SLC1A2: variants seen among roughly 807,000 people sequenced by gnomAD.
The protein encoded by SLC1A2 is excitatory amino acid transporter 2.
Under a neutral mutation model 48.8 loss-of-function variants are expected in SLC1A2, and 15 were observed. The observed-to-expected ratio is 0.31, with a 90% confidence interval of 0.21 to 0.47. The LOEUF is 0.47. SLC1A2 is among the 20% of genes least tolerant of loss of function. SLC1A2 has a pLI of 0.99. For missense variants in SLC1A2, 502 were observed against 730.5 expected (o/e 0.69, Z 3.61); for synonymous variants, 279 against 272.6 (o/e 1.02, Z -0.23).
chr11:35,345,961 G>A (rs1196484445), intron 1 of SLC1A2, among the ~76,000 whole-genome samples: 1 of 152,090 alleles, frequency 6.6e-6, no homozygotes, highest in Non-Finnish European at 1.5e-5. Flanking sequence ...CATTTTGCAG[G>A]TGAGAACACC....
At chr11:35,293,829 A>G (rs1283020913) in intron 6 of SLC1A2, among the ~76,000 whole-genome samples, 1 of 152,194 alleles carries the variant, frequency 6.6e-6, no homozygotes, top group African/African-American at 2.4e-5. Flanking sequence ...ACACATATAT[A>G]TGAATACTAC....
chr11:35,279,188 C>A (rs1273095217), intron 9 of SLC1A2, among the ~76,000 whole-genome samples: 3 of 152,184 alleles, frequency 2.0e-5, no homozygotes, highest in African/African-American at 7.2e-5. Flanking sequence ...ACTGGCATTG[C>A]CGGAGGCCCT....
chr11:35,398,336 A>G (rs1855035347), intron 1 of SLC1A2, among the ~76,000 whole-genome samples: 1 of 152,224 alleles, frequency 6.6e-6, no homozygotes, highest in Admixed American at 6.5e-5. Flanking sequence ...AGCCATAAAA[A>G]GGAATGAAAT....
intron 1 of SLC1A2, among the ~76,000 whole-genome samples, chr11:35,320,511 G>C (rs1053597994): frequency 6.6e-6 from 1 of 152,242 alleles, no homozygotes; most frequent in South Asian, 2.1e-4. Flanking sequence ...CGAGACCTGA[G>C]TCAGCTCTTG....
intron 1 of SLC1A2, among the ~76,000 whole-genome samples, chr11:35,332,974 A>C (rs1207485503): frequency 6.6e-6 from 1 of 152,190 alleles, no homozygotes; most frequent in Non-Finnish European, 1.5e-5. Flanking sequence ...CCACTGAGCT[A>C]AACCTGGTGG....
chr11:35,380,531 T>C (rs1923302), intron 1 of SLC1A2: 107,235 of 397,666 alleles, frequency 0.27, 16,708 homozygotes, highest in East Asian at 0.58. Context: ...TTAGTTCAGG[T>C]CTACAGCGAG....
intron 1 of SLC1A2, among the ~76,000 whole-genome samples, chr11:35,320,105 T>C (rs1852007729): frequency 6.6e-6 from 1 of 152,220 alleles, no homozygotes; most frequent in Non-Finnish European, 1.5e-5. Context: ...TCATATAGTA[T>C]AGCATGATAG....
intron 1 of SLC1A2, among the ~76,000 whole-genome samples, chr11:35,321,109 G>A (rs868373779): frequency 1.2e-4 from 19 of 152,232 alleles, no homozygotes; most frequent in East Asian, 7.7e-4. Flanking sequence ...AAGGAGAAGC[G>A]CCAAGCAAAA....
At chr11:35,330,253 C>A (rs1431530674) in intron 1 of SLC1A2, among the ~76,000 whole-genome samples, 1 of 152,212 alleles carries the variant, frequency 6.6e-6, no homozygotes, top group Non-Finnish European at 1.5e-5. Context: ...CTGCACACAA[C>A]CTTCCAGGTA....
At chr11:35,297,654 A>G (rs1047213354) in intron 6 of SLC1A2, 3 of 152,238 alleles carry the variant, frequency 2.0e-5, no homozygotes, top group African/African-American at 7.2e-5. Flanking sequence ...TTTGAAAAAA[A>G]TGTTTTAAAT....
In SLC1A2 at chr11:35,265,737, G is replaced by T; in HGVS notation, c.1443C>A (p.Val481=). 6.2e-7 allele frequency: 1 copy of T among 1,612,712 alleles called. No individual in the cohort carries two copies. ...DWLLDRMRTS[V]NVVGDSFGAG... ...CCCCAAAAGAGTCACCCACAACATT[G>T]ACTGAAGTTCTCATCCTGTCCCTGG... is the stretch of plus-strand genomic sequence containing the variant. Residue 481 remains valine, a synonymous_variant, in exon 10 of 11, where the codon GTC becomes GTA. Coordinates refer to ENST00000278379, the MANE Select transcript of SLC1A2 (RefSeq NM_004171.4).
At position 35,325,356 on chromosome 11, in the gene SLC1A2, A is replaced by G. The variant is rs533057445; in HGVS notation, c.18-7840T>C. ...GTTTACCATGTCGCCTGTGCTCTCA[A>G]GGCATTTTTCACAGTTTACTTGTAT... On this transcript the variant is annotated intron_variant, in intron 1 of 10. Transcript: ENST00000278379. Among the ~76,000 whole-genome samples the G allele has an allele frequency of 7.9e-5, 12 of 152,246 alleles. No individual in the cohort carries two copies. In the East Asian group the frequency reaches 1.9e-3, roughly 25 times the overall value.
chr11:35,319,252 C>T (rs921951949), intron 1 of SLC1A2, among the ~76,000 whole-genome samples: 1 of 152,318 alleles, frequency 6.6e-6, no homozygotes, highest in South Asian at 2.1e-4. Context: ...TTTTACAACA[C>T]AGCAGGGGGA....
chr11:35,276,306 C>T (rs1282594035), intron 9 of SLC1A2, among the ~76,000 whole-genome samples: 1 of 152,198 alleles, frequency 6.6e-6, no homozygotes, highest in African/African-American at 2.4e-5. Context: ...TTCCCTTGAT[C>T]ACACTCCTCC....
intron 5 of SLC1A2, among the ~76,000 whole-genome samples, chr11:35,304,153 C>T (rs1851434098): frequency 6.6e-6 from 1 of 151,992 alleles, no homozygotes; most frequent in African/African-American, 2.4e-5. Flanking sequence ...TGGACTTGGC[C>T]GCTGGGGTTA....
intron 1 of SLC1A2, among the ~76,000 whole-genome samples, chr11:35,417,772 G>C (rs942694691): frequency 6.6e-6 from 1 of 152,232 alleles, no homozygotes; most frequent in Non-Finnish European, 1.5e-5. Context: ...CTCCTGGACA[G>C]AGAGACAGTT....
At chr11:35,346,586 CAG>C (rs1853044561) in intron 1 of SLC1A2, among the ~76,000 whole-genome samples, 1 of 152,228 alleles carries the variant, frequency 6.6e-6, no homozygotes, top group African/African-American at 2.4e-5. Context: ...GAAATGTAAA[CAG>C]ACTGTAGGCT....
At chr11:35,287,896 T>A (rs931789362) in intron 7 of SLC1A2, among the ~76,000 whole-genome samples, 1 of 152,254 alleles carries the variant, frequency 6.6e-6, no homozygotes, top group Non-Finnish European at 1.5e-5. Flanking sequence ...AAGTGCTTCA[T>A]GGTCCATCCT....
At chr11:35,292,548 A>G in intron 6 of SLC1A2, 28 bp from the exon 7 acceptor site, 1 of 1,438,318 alleles carries the variant, frequency 7.0e-7, no homozygotes, top group East Asian at 2.3e-5. Flanking sequence ...GAAAAACAGC[A>G]TTGAAGAGAT....
Sources: allele counts gnomAD v4.1 joint callset (sites outside exome capture counted in the v4.1 genomes callset), GRCh38; gene constraint gnomAD v4.1.1; transcripts MANE v1.5; gene names NCBI Gene and HGNC (gene_info 2026-07-23, HGNC 2026-07-21).